Variants in KIF6 observed in about 807,000 individuals in gnomAD.
The protein encoded by KIF6 is kinesin family member 6, also known as kinesin-like protein KIF6.
In KIF6, 106 loss-of-function variants were observed where a neutral mutation model predicts 112.7. The observed-to-expected ratio is 0.94, with a 90% CI of 0.80 to 1.11. The LOEUF (loss-of-function observed/expected upper bound fraction) is 1.11, where lower values mean the gene tolerates loss of function less well. Ranked by LOEUF, KIF6 falls within the 50% of genes least tolerant of loss-of-function variation. The pLI is 0.00. For missense variants in KIF6, 929 were observed against 964.0 expected (o/e 0.96, Z 0.48); for synonymous variants, 339 against 339.9 (o/e 1.00, Z 0.03).
At chr6:39,562,014 C>A (rs557035943) in intron 10 of KIF6, among the ~76,000 whole-genome samples, 14 of 152,298 alleles carry the variant, frequency 9.2e-5, no homozygotes, top group Admixed American at 2.6e-4. Context: ...AATAATGAAG[C>A]AACAAACTTT....
chr6:39,626,933 A>T (rs1282418034), intron 5 of KIF6, among the ~76,000 whole-genome samples: 1 of 152,134 alleles, frequency 6.6e-6, no homozygotes, highest in Non-Finnish European at 1.5e-5. Context: ...AAGTAGTCCT[A>T]GTAACTTCCC....
At chr6:39,703,048 C>T (rs368484677) in intron 3 of KIF6, among the ~76,000 whole-genome samples, 2 of 87,678 alleles carry the variant, frequency 2.3e-5, no homozygotes, top group African/African-American at 3.6e-5. Flanking sequence ...CATTTCCACC[C>T]CCCGGCCACC....
At chr6:39,404,904 C>G (rs1054485299) in intron 15 of KIF6, among the ~76,000 whole-genome samples, 7 of 150,518 alleles carry the variant, frequency 4.7e-5, no homozygotes, top group Non-Finnish European at 5.9e-5. Context: ...AGTTTTATAC[C>G]TAAATATTTC....
At chr6:39,351,642 C>T (rs916954138) in intron 19 of KIF6, among the ~76,000 whole-genome samples, 1 of 152,176 alleles carries the variant, frequency 6.6e-6, no homozygotes, top group Admixed American at 6.5e-5. Context: ...CACACATGCA[C>T]ATGTACACAC....
rs1344893833 is a variant in KIF6, at chr6:39,718,064, T to C, written c.176+2638A>G. ...CAATGTGGTGAAACCCTGTCTCTAC[T>C]AAAAATGGAAACAAAATTAGCCAGG... On this transcript the variant is annotated intron_variant, in intron 2 of 22. Coordinates refer to ENST00000287152, the MANE Select transcript of KIF6 (RefSeq NM_145027.6). 2.6e-5 allele frequency among the ~76,000 whole-genome samples: 4 copies of C among 151,174 alleles called. No individual in the cohort carries two copies. The East Asian group carries it at 7.9e-4, about 30-fold the overall frequency.
chr6:39,712,261 G>T (rs1308625746), intron 3 of KIF6, among the ~76,000 whole-genome samples: 1 of 151,672 alleles, frequency 6.6e-6, no homozygotes, highest in Non-Finnish European at 1.5e-5. Context: ...CAAGGCAGTT[G>T]ACTAGGAGAA....
At chr6:39,368,573 C>CTT (rs1765741952) in intron 16 of KIF6, among the ~76,000 whole-genome samples, 1 of 152,186 alleles carries the variant, frequency 6.6e-6, no homozygotes, top group Non-Finnish European at 1.5e-5. Context: ...GGCTGAGAGA[C>CTT]AGTCTTAGTG....
At chr6:39,407,904 C>T (rs1769199994) in intron 15 of KIF6, among the ~76,000 whole-genome samples, 1 of 152,080 alleles carries the variant, frequency 6.6e-6, no homozygotes, top group South Asian at 2.1e-4. Context: ...TCAGTACCTC[C>T]CAATTTAAAG....
In KIF6 at chr6:39,569,683, T is replaced by C. The variant is rs570946589; in HGVS notation, c.1181+8373A>G. On this transcript the variant is annotated intron_variant, in intron 10 of 22. Coordinates refer to ENST00000287152, the MANE Select transcript of KIF6 (RefSeq NM_145027.6). Reference sequence around the variant, plus strand: ...GGGTGTTTTGTTGTCACTTCCTATATAAAATCTTTCCTCTCTGTTTCCTCC... The same window carrying C: ...GGGTGTTTTGTTGTCACTTCCTATACAAAATCTTTCCTCTCTGTTTCCTCC... Among the ~76,000 whole-genome samples, 8 of 152,312 alleles carry C rather than the reference T, an allele frequency of 5.3e-5. No homozygotes were observed. In the South Asian group the frequency reaches 1.7e-3, roughly 32 times the overall value.
chr6:39,649,760 AG>A (rs1785371269), intron 3 of KIF6, among the ~76,000 whole-genome samples: 1 of 100,122 alleles, frequency 1.0e-5, no homozygotes, highest in Non-Finnish European at 2.5e-5. Context: ...AAAGAAAGAA[AG>A]AAAGAAAGAA....
chr6:39,342,880 C>T lies in KIF6; in HGVS notation c.2428+829G>A, dbSNP rs2113895882. 1 of 985,418 alleles carries T rather than the reference C, an allele frequency of 1.0e-6. No individual in the cohort carries two copies. The highest frequency in any genetic ancestry group is 1.2e-6 in the Non-Finnish European group (1 of 829,916). 61.0% of individuals were successfully genotyped at this position (985,418 alleles called of 1,614,324 possible). A position where few individuals can be genotyped will look rare whatever the true frequency, so the allele number is the denominator to read the frequency against. ...ACACGGCTGGTGGAGAAGCTGAGTGCAGGCGCCACAGGGCAGGCATCAGTC... is the reference window on the plus strand; with the variant it reads ...ACACGGCTGGTGGAGAAGCTGAGTGTAGGCGCCACAGGGCAGGCATCAGTC... On this transcript the variant is annotated intron_variant, in intron 22 of 22. Transcript: ENST00000287152. The surrounding 1 kb of genome is among the most constrained non-coding windows in gnomAD (Gnocchi z 4.7).
rs139219828 is a variant in KIF6 at position 39,570,232 on chromosome 6, C to T, written c.1181+7824G>A. ...AAAAGGACAGAACCACAAGAAACTT[C>T]TAACTTTCTGGCTTGGGCAACAGTA... On this transcript the variant is annotated intron_variant, in intron 10 of 22. Coordinates refer to ENST00000287152, the MANE Select transcript of KIF6 (RefSeq NM_145027.6). Among the ~76,000 whole-genome samples the T allele has an allele frequency of 3.1e-3, 470 of 152,286 alleles. 2 individuals carry two copies. Among genetic ancestry groups the T allele is most frequent in the African/African-American group, 0.01 (436 of 41,556 alleles).
At chr6:39,498,531 A>AT (rs956894065) in intron 13 of KIF6, among the ~76,000 whole-genome samples, 4 of 151,964 alleles carry the variant, frequency 2.6e-5, no homozygotes, top group African/African-American at 9.7e-5. Context: ...AGGATAGTAG[A>AT]TTTTTTTTCC....
At chr6:39,510,229 T>G (rs1450773012) in intron 13 of KIF6, among the ~76,000 whole-genome samples, 1 of 151,514 alleles carries the variant, frequency 6.6e-6, no homozygotes, top group East Asian at 1.9e-4. Context: ...GAGTACTGGG[T>G]CTACAGGCAC....
chr6:39,644,178 A>G (rs1407398397), intron 3 of KIF6, among the ~76,000 whole-genome samples: 1 of 151,990 alleles, frequency 6.6e-6, no homozygotes, highest in Non-Finnish European at 1.5e-5. Context: ...AAAAGAGACA[A>G]TGAGAAGTGC....
intron 3 of KIF6, among the ~76,000 whole-genome samples, chr6:39,651,822 A>G (rs1785485969): frequency 6.6e-6 from 1 of 152,246 alleles, no homozygotes; most frequent in African/African-American, 2.4e-5. Flanking sequence ...CTTTATTTGC[A>G]TCATGGATAC....
chr6:39,540,625 G>C (rs1778735736), intron 12 of KIF6, among the ~76,000 whole-genome samples: 1 of 152,244 alleles, frequency 6.6e-6, no homozygotes, highest in Non-Finnish European at 1.5e-5. Context: ...GCACGCGCCT[G>C]CTCGGGAGGC....
Position 39,596,036 on chromosome 6 carries a change from C to T in KIF6, c.846+18G>A. The T allele has an allele frequency of 6.3e-7, 1 of 1,594,622 alleles. No individual in the cohort carries two copies. The highest frequency in any genetic ancestry group is 1.1e-5 in the South Asian group (1 of 90,544). Reference sequence around the variant, plus strand: ...TGGTAGCTATAGTTATTAATACATCCCACTCTGCCCATTTTACCTGTTCTA... The same window carrying T: ...TGGTAGCTATAGTTATTAATACATCTCACTCTGCCCATTTTACCTGTTCTA... On this transcript the variant is annotated intron_variant, in intron 7 of 22. Coordinates refer to ENST00000287152, the MANE Select transcript of KIF6 (RefSeq NM_145027.6).
At chr6:39,495,082 A>G (rs539013502) in intron 13 of KIF6, among the ~76,000 whole-genome samples, 142 of 152,320 alleles carry the variant, frequency 9.3e-4, no homozygotes, top group Non-Finnish European at 1.2e-3. Flanking sequence ...CTAGTCACCA[A>G]CAACATTTCC....
Sources: allele counts gnomAD v4.1 joint callset (sites outside exome capture counted in the v4.1 genomes callset), GRCh38; gene constraint gnomAD v4.1.1; non-coding constraint Gnocchi (gnomAD v3.1); transcripts MANE v1.5; gene names NCBI Gene and HGNC (gene_info 2026-07-23, HGNC 2026-07-21).